Variants in PRKG1 observed in about 807,000 individuals in gnomAD.
PRKG1 encodes cGMP-dependent protein kinase 1.
Under a neutral mutation model 88.1 loss-of-function variants are expected in PRKG1, and 35 were observed. That is an observed-to-expected ratio of 0.40 (90% CI 0.30 to 0.53). The LOEUF (loss-of-function observed/expected upper bound fraction) is 0.53. Among genes scored for constraint, PRKG1 ranks in the 20% least tolerant of loss-of-function variants. PRKG1 has a pLI of 0.59. For missense variants in PRKG1, 540 were observed against 839.8 expected (o/e 0.64, Z 4.41); for synonymous variants, 303 against 292.5 (o/e 1.04, Z -0.37).
At chr10:52,144,293 GA>G (rs1564488435) in intron 8 of PRKG1, among the ~76,000 whole-genome samples, 1 of 152,150 alleles carries the variant, frequency 6.6e-6, no homozygotes, top group African/African-American at 2.4e-5. Context: ...AAGAGATGGG[GA>G]TAGATAGTAA....
chr10:52,187,231 A>T (rs143188222), intron 9 of PRKG1, among the ~76,000 whole-genome samples: 110 of 152,240 alleles, frequency 7.2e-4, no homozygotes, highest in African/African-American at 2.5e-3. Flanking sequence ...AAAATACTTC[A>T]TCTCAGTTTG....
intron 3 of PRKG1, among the ~76,000 whole-genome samples, chr10:51,732,897 A>G (rs1160352659): frequency 6.6e-6 from 1 of 152,066 alleles, no homozygotes; most frequent in Admixed American, 6.6e-5. Flanking sequence ...AATAACATAC[A>G]TTTATTTCTC....
intron 1 of PRKG1, among the ~76,000 whole-genome samples, chr10:51,115,487 G>T: frequency 6.7e-6 from 1 of 148,854 alleles, no homozygotes; most frequent in East Asian, 2.0e-4. Flanking sequence ...GGGAGAGGTA[G>T]GATGGAGGTG....
chr10:52,061,510 G>A (rs1009536122), intron 6 of PRKG1, among the ~76,000 whole-genome samples: 3 of 151,958 alleles, frequency 2.0e-5, no homozygotes, highest in Non-Finnish European at 4.4e-5. Flanking sequence ...TTAACACAAA[G>A]GTACAAGTTA....
chr10:51,806,050 G>A (rs901543717), intron 4 of PRKG1, among the ~76,000 whole-genome samples: 7 of 152,044 alleles, frequency 4.6e-5, no homozygotes, highest in South Asian at 2.1e-4. Context: ...GTGTCTATAC[G>A]TATGTTGTGT....
At chr10:51,367,088 T>G (rs1842606447) in intron 2 of PRKG1, among the ~76,000 whole-genome samples, 1 of 151,916 alleles carries the variant, frequency 6.6e-6, no homozygotes, top group African/African-American at 2.4e-5. Flanking sequence ...TTTTACTAGG[T>G]TTTTCCTCTC....
intron 2 of PRKG1, among the ~76,000 whole-genome samples, chr10:51,361,691 A>C (rs1344090505): frequency 2.0e-5 from 3 of 151,798 alleles, no homozygotes; most frequent in Admixed American, 6.6e-5. Flanking sequence ...ATTATTACCT[A>C]TTAGCCACTG....
intron 2 of PRKG1, among the ~76,000 whole-genome samples, chr10:51,416,280 C>T (rs1225008221): frequency 6.6e-6 from 1 of 152,002 alleles, no homozygotes; most frequent in East Asian, 1.9e-4. Flanking sequence ...AGGATGAAAA[C>T]TCATGATCAT....
chr10:51,499,366 A>G (rs1249971536), intron 3 of PRKG1, among the ~76,000 whole-genome samples: 1 of 152,200 alleles, frequency 6.6e-6, no homozygotes, highest in Non-Finnish European at 1.5e-5. Flanking sequence ...AATAACCAAA[A>G]CATCAGGAGA....
At chr10:51,756,791 G>A (rs1339359367) in intron 3 of PRKG1, among the ~76,000 whole-genome samples, 1 of 151,180 alleles carries the variant, frequency 6.6e-6, no homozygotes, top group Admixed American at 6.6e-5. Context: ...CTCCAGCCTG[G>A]GTGACAGTGC....
chr10:51,722,809 A>G (rs950056372), intron 3 of PRKG1, among the ~76,000 whole-genome samples: 2 of 152,246 alleles, frequency 1.3e-5, no homozygotes, highest in African/African-American at 4.8e-5. Context: ...AAGCATTTAT[A>G]GATACAAGAG....
At chr10:51,216,526 T>A (rs544323315) in intron 2 of PRKG1, among the ~76,000 whole-genome samples, 1 of 151,262 alleles carries the variant, frequency 6.6e-6, no homozygotes, top group South Asian at 2.1e-4. Flanking sequence ...AAAACCCGAA[T>A]ATAACCGTTT....
In PRKG1 at chr10:51,925,846, C is replaced by G. The variant is rs1403966676; in HGVS notation, c.762+18276C>G. Among the ~76,000 whole-genome samples, 60 of 152,024 alleles carry G rather than the reference C, an allele frequency of 3.9e-4. 1 individual carries two copies. Among genetic ancestry groups the G allele is most frequent in the Admixed American group, 3.9e-3 (59 of 15,254 alleles). On this transcript the variant is annotated intron_variant, in intron 5 of 17. Transcript: ENST00000373980. ...TTTTCTTATGAAGCTCTAAGAAATG[C>G]TATTGATCTTTAGTTTGTTCAGCTT... is the stretch of plus-strand genomic sequence containing the variant.
chr10:52,264,873 C>T (rs11001394), intron 10 of PRKG1, among the ~76,000 whole-genome samples: 15,487 of 151,910 alleles, frequency 0.1, 1,206 homozygotes, highest in African/African-American at 0.21. Flanking sequence ...CCCCCACCCC[C>T]GAAGAGAATA....
chr10:51,008,810 G>C (rs1312682644), intron 1 of PRKG1, among the ~76,000 whole-genome samples: 1 of 152,198 alleles, frequency 6.6e-6, no homozygotes, highest in Non-Finnish European at 1.5e-5. Flanking sequence ...TTTTGGATGA[G>C]ATGAAGAGAG....
rs796506549 is a variant in PRKG1, at chr10:52,297,526, A to C, written c.*3626A>C. On this transcript the variant is annotated 3_prime_UTR_variant, in exon 18 of 18. Coordinates refer to ENST00000373980, the MANE Select transcript of PRKG1 (RefSeq NM_006258.4). ...ATAATATTGATGAATTACAGAAATG[A>C]TGAAGTTGTTCTCTTATTTCTGTTA... The C allele has an allele frequency of 2.6e-5, 4 of 152,280 alleles. No individual in the cohort carries two copies. Among genetic ancestry groups the C allele is most frequent in the African/African-American group, 9.6e-5 (4 of 41,568 alleles). 9.4% of individuals were successfully genotyped at this position (152,280 alleles called of 1,614,324 possible). A position where few individuals can be genotyped will look rare whatever the true frequency, so the allele number is the denominator to read the frequency against.
chr10:52,055,530 A>C (rs1589563630), intron 6 of PRKG1, among the ~76,000 whole-genome samples: 1 of 152,192 alleles, frequency 6.6e-6, no homozygotes, highest in South Asian at 2.1e-4. Context: ...ATTGGAAAAT[A>C]GAATTTCTTT....
At chr10:51,214,502 G>A (rs1252662873) in intron 2 of PRKG1, among the ~76,000 whole-genome samples, 3 of 149,000 alleles carry the variant, frequency 2.0e-5, no homozygotes, top group Non-Finnish European at 4.5e-5. Context: ...TTTTTTTTTT[G>A]ACAGGGTATT....
intron 2 of PRKG1, among the ~76,000 whole-genome samples, chr10:51,335,932 T>C (rs772048132): frequency 6.6e-6 from 1 of 152,218 alleles, no homozygotes; most frequent in East Asian, 1.9e-4. Context: ...TTCAAATGCA[T>C]TTTCCTACAG....
Sources: allele counts gnomAD v4.1 joint callset (sites outside exome capture counted in the v4.1 genomes callset), GRCh38; gene constraint gnomAD v4.1.1; transcripts MANE v1.5; gene names NCBI Gene and HGNC (gene_info 2026-07-23, HGNC 2026-07-21).